Variants in KCNMA1 observed in about 807,000 individuals in gnomAD.
The protein encoded by KCNMA1 is Calcium-activated potassium channel subunit alpha-1.
A neutral mutation model predicts 140.0 loss-of-function variants in KCNMA1; 29 were observed. The observed-to-expected ratio is 0.21, with a 90% confidence interval of 0.15 to 0.28. The LOEUF is 0.28. Ranked by LOEUF, KCNMA1 falls within the 10% of genes least tolerant of loss-of-function variation. The pLI, the probability that KCNMA1 is intolerant of heterozygous loss-of-function variation, is 1.00. For missense variants in KCNMA1, 880 were observed against 1,602.2 expected, an observed-to-expected ratio of 0.55 and a Z score of 7.70; for synonymous variants, 612 against 611.9, an observed-to-expected ratio of 1.00 and a Z score of 0.00.
At chr10:77,593,220 A>T (rs1427823134) in intron 1 of KCNMA1, among the ~76,000 whole-genome samples, 1 of 152,196 alleles carries the variant, frequency 6.6e-6, no homozygotes, top group Non-Finnish European at 1.5e-5. Context: ...TTCAGAAAGG[A>T]CAGGGAACCA....
chr10:77,398,708 C>T (rs966477475), intron 2 of KCNMA1, among the ~76,000 whole-genome samples: 1 of 152,216 alleles, frequency 6.6e-6, no homozygotes, highest in South Asian at 2.1e-4. Flanking sequence ...ACTACTGTGG[C>T]AGAGTTGAGT....
intron 13 of KCNMA1, among the ~76,000 whole-genome samples, chr10:77,074,009 T>C (rs140238983): frequency 9.2e-5 from 14 of 152,158 alleles, no homozygotes; most frequent in African/African-American, 2.9e-4. Flanking sequence ...AGAAAATACA[T>C]TGGATGAAAG....
chr10:77,261,656 G>A (rs1333984602), intron 2 of KCNMA1, among the ~76,000 whole-genome samples: 4 of 152,188 alleles, frequency 2.6e-5, no homozygotes, highest in Non-Finnish European at 5.9e-5. Flanking sequence ...CTTCCTGCAA[G>A]CCGAGGTTTA....
At chr10:77,482,986 TCACATACACACACA>T (rs769342710) in intron 1 of KCNMA1, among the ~76,000 whole-genome samples, 10 of 75,416 alleles carry the variant, frequency 1.3e-4, no homozygotes, top group East Asian at 4.1e-4. Flanking sequence ...TCTCTCTCTC[TCACATACACACACA>T]CACACACACA....
At chr10:76,943,019 C>G (rs1038867596) in intron 23 of KCNMA1, among the ~76,000 whole-genome samples, 4 of 152,214 alleles carry the variant, frequency 2.6e-5, no homozygotes, top group African/African-American at 9.6e-5. Flanking sequence ...GGTTCTGTAA[C>G]TCTAACAGCC....
At chr10:77,309,137 G>C (rs1052435275) in intron 2 of KCNMA1, among the ~76,000 whole-genome samples, 6 of 152,104 alleles carry the variant, frequency 3.9e-5, no homozygotes, top group African/African-American at 7.2e-5. Flanking sequence ...GTATTTCCTC[G>C]GTTGATCCAA....
At chr10:77,028,385 G>A (rs987249927) in intron 15 of KCNMA1, among the ~76,000 whole-genome samples, 4 of 152,044 alleles carry the variant, frequency 2.6e-5, no homozygotes, top group African/African-American at 7.2e-5. Flanking sequence ...AGCACATGAC[G>A]ATGGCATTGT....
chr10:77,411,518 A>T (rs1300723946), intron 1 of KCNMA1, among the ~76,000 whole-genome samples: 1 of 152,070 alleles, frequency 6.6e-6, no homozygotes, highest in African/African-American at 2.4e-5. Context: ...AGGAAGACAC[A>T]GTGTGAATTT....
intron 2 of KCNMA1, 28 bp from the exon 3 acceptor site, chr10:77,251,284 C>G (rs1357773001): frequency 6.3e-7 from 1 of 1,589,444 alleles, no homozygotes; most frequent in Non-Finnish European, 8.6e-7. Context: ...AATGCCATCA[C>G]TTAAGAGTTG....
chr10:77,062,027 G>A, intron 14 of KCNMA1, among the ~76,000 whole-genome samples: 1 of 152,212 alleles, frequency 6.6e-6, no homozygotes, highest in East Asian at 1.9e-4. Context: ...TGTACAGCAT[G>A]AGGGAATTTG....
At chr10:76,887,729 G>A (rs1313003954) in intron 27 of KCNMA1, 3 of 590,778 alleles carry the variant, frequency 5.1e-6, no homozygotes, top group Non-Finnish European at 6.0e-6. Context: ...AGGAGCCCAG[G>A]CAGAGATGTG....
At chr10:77,200,595 G>C (rs2042145746) in intron 3 of KCNMA1, among the ~76,000 whole-genome samples, 1 of 151,494 alleles carries the variant, frequency 6.6e-6, no homozygotes, top group Non-Finnish European at 1.5e-5. Flanking sequence ...TCTATTGCAG[G>C]AATCTGTGTC....
intron 19 of KCNMA1, chr10:76,974,470 T>C (rs1270998357): frequency 6.8e-7 from 1 of 1,473,008 alleles, no homozygotes; most frequent in Non-Finnish European, 9.3e-7. Context: ...TGGGAATGGG[T>C]CCCAGTCTTC....
chr10:77,228,880 C>T (rs997184878), intron 3 of KCNMA1, among the ~76,000 whole-genome samples: 2 of 152,346 alleles, frequency 1.3e-5, no homozygotes, highest in Middle Eastern at 3.4e-3. Context: ...CCTCAGCACT[C>T]ACTACGTGAA....
chr10:77,070,658 G>A (rs1020460068), intron 14 of KCNMA1, among the ~76,000 whole-genome samples: 1 of 152,132 alleles, frequency 6.6e-6, no homozygotes, highest in Non-Finnish European at 1.5e-5. Flanking sequence ...TAATCCATTT[G>A]TAGGTTTACT....
chr10:77,615,394 T>C (rs1009382089), intron 1 of KCNMA1, among the ~76,000 whole-genome samples: 9 of 152,274 alleles, frequency 5.9e-5, no homozygotes, highest in African/African-American at 2.2e-4. Context: ...TTCCACCCCT[T>C]CTGTTCCTTT....
At chr10:77,469,191 C>A (rs950719675) in intron 1 of KCNMA1, among the ~76,000 whole-genome samples, 1 of 152,132 alleles carries the variant, frequency 6.6e-6, no homozygotes. Context: ...ACAATAGGAA[C>A]CCCGCTACTC....
At chr10:77,353,970 T>TGGGGGGG (rs563299513) in intron 2 of KCNMA1, among the ~76,000 whole-genome samples, 7 of 92,938 alleles carry the variant, frequency 7.5e-5, no homozygotes, top group Admixed American at 2.3e-4. Context: ...CCTCTTTTTT[T>TGGGGGGG]GGGGGGGGGG....
At chr10:76,925,448 A>T (rs1241094542) in intron 23 of KCNMA1, among the ~76,000 whole-genome samples, 1 of 152,182 alleles carries the variant, frequency 6.6e-6, no homozygotes, top group Non-Finnish European at 1.5e-5. Flanking sequence ...TATACATTAC[A>T]AGACAATGAT....
Sources: gnomAD v4.1 joint callset for allele counts (sites outside exome capture counted in the v4.1 genomes callset) on GRCh38, gnomAD v4.1.1 for gene constraint, MANE v1.5 for transcripts, NCBI Gene and HGNC (gene_info 2026-07-23, HGNC 2026-07-21) for gene names.